Variants in RPL36AL observed in about 807,000 individuals in gnomAD.
RPL36AL encodes the protein ribosomal protein eL42-like.
In RPL36AL, 8 loss-of-function variants were observed where a neutral mutation model predicts 7.9. That is an observed-to-expected ratio of 1.02 (90% CI 0.60 to 1.84). The LOEUF (loss-of-function observed/expected upper bound fraction) is 1.84, where lower values mean the gene tolerates loss of function less well. Ranked by LOEUF, RPL36AL falls within the 40% of genes most tolerant of loss-of-function variation. The probability of loss-of-function intolerance (pLI) is 0.00; values close to 1 mark genes in which losing one functional copy is unlikely to be tolerated. For missense variants in RPL36AL, 76 were observed against 126.8 expected, an observed-to-expected ratio of 0.60 and a Z score of 1.93; for synonymous variants, 44 against 44.8, an observed-to-expected ratio of 0.98 and a Z score of 0.07.
rs1298940212 is a variant in RPL36AL, at chr14:49,620,549, G to A, written c.-37+13C>T. The A allele has an allele frequency of 5.6e-6, 1 of 177,976 alleles. No individual in the cohort carries two copies. The highest frequency in any genetic ancestry group is 6.0e-5 in the Admixed American group (1 of 16,734). 11.0% of individuals were successfully genotyped at this position (177,976 alleles called of 1,614,324 possible). On this transcript the variant is annotated intron_variant, in intron 1 of 1. Transcript: ENST00000298289. The stretch of plus-strand genomic sequence containing the variant: ...CTCCTATTGGAGCCGCTACAGCCTC[G>A]TTCTTAGCTTACCGAGAAACAGCGC...
Position 49,619,052 on chromosome 14 carries a change from T to C in RPL36AL, c.53A>G (p.His18Arg), listed in dbSNP as rs11556534. 1 of 1,613,936 alleles carries C rather than the reference T, an allele frequency of 6.2e-7. No individual in the cohort carries two copies. The highest frequency in any genetic ancestry group is 8.5e-7 in the Non-Finnish European group (1 of 1,179,832). Residue 18 changes from histidine (H) to arginine (R), a missense_variant, in exon 2 of 2, where the codon CAT becomes CGT. Transcript: ENST00000298289. ...RRTFCKKCGK[H>R]QPHKVTQYKK... ...ATACTGTGTCACTTTGTGAGGCTGA[T>C]GCTTGCCACACTTCTTACAGAAGGT...
At chr14:49,619,959 G>A (rs1030031962) in intron 1 of RPL36AL, among the ~76,000 whole-genome samples, 1 of 152,030 alleles carries the variant, frequency 6.6e-6, no homozygotes, top group African/African-American at 2.4e-5. Flanking sequence ...CTCTGGGCCC[G>A]GCAAATTTTG....
In RPL36AL at chr14:49,620,622, A is replaced by C; in HGVS notation, c.-97T>G. 7.7e-6 allele frequency: 2 copies of C among 259,460 alleles called. No individual in the cohort carries two copies. The highest frequency in any genetic ancestry group is 1.5e-5 in the Non-Finnish European group (2 of 136,504). The allele number at this position is 259,460 out of a possible 1,614,324, so 16.1% of individuals were successfully genotyped here. A position where few individuals can be genotyped will look rare whatever the true frequency, so the allele number is the denominator to read the frequency against. On this transcript the variant is annotated 5_prime_UTR_variant, in exon 1 of 2. Coordinates refer to ENST00000298289, the MANE Select transcript of RPL36AL (RefSeq NM_001001.5). Reference sequence around the variant, plus strand: ...TCTCGCCTTTCGCAGCTCTCGCCTAACAGGAAAGGGAAGAAACAGGCGGAA... The same window carrying C: ...TCTCGCCTTTCGCAGCTCTCGCCTACCAGGAAAGGGAAGAAACAGGCGGAA...
Position 49,619,095 on chromosome 14 carries a change from C to A in RPL36AL, c.10G>T (p.Val4Leu). Residue 4 changes from valine (V) to leucine (L), a missense_variant, in exon 2 of 2, where the codon GTA becomes TTA. Transcript: ENST00000298289. ...CAGAAGGTTCTTCGGGTTTTAGGTA[C>A]GTTGACCATCTTTGCAGCAGGGCTG... MVN[V>L]PKTRRTFCKK... 6.2e-7 allele frequency: 1 copy of A among 1,607,074 alleles called. No individual in the cohort carries two copies. The highest frequency in any genetic ancestry group is 8.5e-7 in the Non-Finnish European group (1 of 1,174,796).
Position 49,618,868 on chromosome 14 carries a change from G to T in RPL36AL, c.237C>A (p.Ser79=). The change falls in exon 2 of 2, where the codon TCC becomes TCA. Residue 79 remains serine (S), a synonymous_variant. Transcript: ENST00000298289. ...RLECVEPNCR[S]KRMLAIKRCK... ...ATCTCTTAATGGCCAGCATCCTCTT[G>T]GATCTGCAGTTAGGCTCAACACATT... 1 of 1,612,428 alleles carries T rather than the reference G, an allele frequency of 6.2e-7. No homozygotes were observed. Among genetic ancestry groups the T allele is most frequent in the East Asian group, 2.2e-5 (1 of 44,878 alleles).
chr14:49,619,617 CG>C (rs1882773425), intron 1 of RPL36AL, among the ~76,000 whole-genome samples: 1 of 148,636 alleles, frequency 6.7e-6, no homozygotes, highest in Non-Finnish European at 1.5e-5. Flanking sequence ...GCAACAACAG[CG>C]GAATTACGTC....
Position 49,619,126 on chromosome 14 carries a change from T to C in RPL36AL, c.-22A>G, listed in dbSNP as rs771615755. ...CCATCTTTGCAGCAGGGCTGTTTTG[T>C]CTATATGATGAAAACTGTAGTAAAA... On this transcript the variant is annotated 5_prime_UTR_variant, in exon 2 of 2. Coordinates refer to ENST00000298289, the MANE Select transcript of RPL36AL (RefSeq NM_001001.5). The C allele has an allele frequency of 7.6e-6, 12 of 1,573,744 alleles. No homozygotes were observed. Among genetic ancestry groups the C allele is most frequent in the Non-Finnish European group, 1.0e-5 (12 of 1,160,354 alleles).
chr14:49,619,605 G>T (rs1452250580), intron 1 of RPL36AL, among the ~76,000 whole-genome samples: 3 of 151,724 alleles, frequency 2.0e-5, no homozygotes, highest in African/African-American at 7.3e-5. Context: ...ACTCCAGCCT[G>T]GGCAACAACA....
rs1882738926 is a variant in RPL36AL, at chr14:49,618,729, C to T, written c.*55G>A. On this transcript the variant is annotated 3_prime_UTR_variant, in exon 2 of 2. Coordinates refer to ENST00000298289, the MANE Select transcript of RPL36AL (RefSeq NM_001001.5). ...ACTGTATTTATTTTCCCTCGGGTAA[C>T]TTTTCTATGGCTTCACCATTTTCTC... 6.8e-7 allele frequency: 1 copy of T among 1,464,990 alleles called. No homozygotes were observed. The highest frequency in any genetic ancestry group is 9.3e-7 in the Non-Finnish European group (1 of 1,070,900). The allele number at this position is 1,464,990 out of a possible 1,614,324, so 90.7% of individuals were successfully genotyped here.
intron 1 of RPL36AL, 103 bp from the exon 2 acceptor site, chr14:49,619,243 T>C: frequency 4.4e-6 from 3 of 682,446 alleles, no homozygotes; most frequent in South Asian, 4.0e-5. Context: ...AAATGAGTAA[T>C]ATATAAATCC....
Position 49,618,601 on chromosome 14 carries a change from T to C in RPL36AL, c.*183A>G, listed in dbSNP as rs1331899725. The C allele has an allele frequency of 3.4e-6, 2 of 589,086 alleles. No homozygotes were observed. 36.5% of individuals were successfully genotyped at this position (589,086 alleles called of 1,614,324 possible). ...AAAAGTAGTAAAGTAGTATTTTCCCTTCATACATATATAAACTTGTTAGTA... is the reference window on the plus strand; with the variant it reads ...AAAAGTAGTAAAGTAGTATTTTCCCCTCATACATATATAAACTTGTTAGTA... On this transcript the variant is annotated 3_prime_UTR_variant, in exon 2 of 2. Transcript: ENST00000298289.
intron 1 of RPL36AL, among the ~76,000 whole-genome samples, 191 bp from the exon 2 acceptor site, chr14:49,619,331 G>C (rs978486238): frequency 4.6e-5 from 7 of 152,138 alleles, no homozygotes; most frequent in African/African-American, 7.2e-5. Flanking sequence ...TAAATTACTG[G>C]AGGACTAATT....
At chr14:49,619,374 A>C (rs955971588) in intron 1 of RPL36AL, among the ~76,000 whole-genome samples, 2 of 152,186 alleles carry the variant, frequency 1.3e-5, no homozygotes, top group African/African-American at 4.8e-5. Flanking sequence ...AAGGCCGAGC[A>C]CGGTGGCTCA....
Position 49,619,139 on chromosome 14 carries a change from A to C in RPL36AL, c.-35T>G. 1 of 1,536,764 alleles carries C rather than the reference A, an allele frequency of 6.5e-7. No homozygotes were observed. Among genetic ancestry groups the C allele is most frequent in the Middle Eastern group, 1.8e-4 (1 of 5,700 alleles). On this transcript the variant is annotated splice_region_variant and 5_prime_UTR_variant, in exon 2 of 2. Coordinates refer to ENST00000298289, the MANE Select transcript of RPL36AL (RefSeq NM_001001.5). Reference sequence around the variant, plus strand: ...AGGGCTGTTTTGTCTATATGATGAAAACTGTAGTAAAATATTTAAAATAAG... The same window carrying C: ...AGGGCTGTTTTGTCTATATGATGAACACTGTAGTAAAATATTTAAAATAAG...
chr14:49,618,961 A>G lies in RPL36AL; in HGVS notation c.144T>C (p.Tyr48=), dbSNP rs1005048070. The G allele has an allele frequency of 5.0e-6, 8 of 1,613,934 alleles. No individual in the cohort carries two copies. Among genetic ancestry groups the G allele is most frequent in the South Asian group, 1.1e-5 (1 of 91,076 alleles). ...GGAAAATTGGCTTTGTCTGCCCACCATAGCCACTCTGCTTCCGATCATAGC... is the reference window on the plus strand; with the variant it reads ...GGAAAATTGGCTTTGTCTGCCCACCGTAGCCACTCTGCTTCCGATCATAGC... The part of the protein sequence containing the change: ...RRRYDRKQSG[Y]GGQTKPIFRK... Residue 48 remains tyrosine (Y), a synonymous_variant, in exon 2 of 2, where the codon TAT becomes TAC. Transcript: ENST00000298289.
At chr14:49,619,420 G>C (rs2139562765) in intron 1 of RPL36AL, among the ~76,000 whole-genome samples, 1 of 152,154 alleles carries the variant, frequency 6.6e-6, no homozygotes, top group East Asian at 1.9e-4. Context: ...GGCCGAGAAG[G>C]GCGGATCACC....
At chr14:49,619,647 T>G (rs1190609733) in intron 1 of RPL36AL, among the ~76,000 whole-genome samples, 1 of 150,556 alleles carries the variant, frequency 6.6e-6, no homozygotes, top group East Asian at 1.9e-4. Flanking sequence ...AAAAAAGAAC[T>G]GAGGCACAAT....
At chr14:49,619,347 A>T (rs1287930541) in intron 1 of RPL36AL, among the ~76,000 whole-genome samples, 1 of 152,178 alleles carries the variant, frequency 6.6e-6, no homozygotes, top group South Asian at 2.1e-4. Flanking sequence ...TAATTTGTCG[A>T]CCTAAAGAAC....
chr14:49,618,775 T>C lies in RPL36AL; in HGVS notation c.*9A>G, dbSNP rs764759809. On this transcript the variant is annotated 3_prime_UTR_variant, in exon 2 of 2. Transcript: ENST00000298289. Reference sequence around the variant, plus strand: ...TTCTCTTCAAAATTGAAGAAAAATATCCCAAAGTTTAGAACTGGATCACTT... The same window carrying C: ...TTCTCTTCAAAATTGAAGAAAAATACCCCAAAGTTTAGAACTGGATCACTT... The C allele has an allele frequency of 6.2e-7, 1 of 1,600,280 alleles. No individual in the cohort carries two copies. Among genetic ancestry groups the C allele is most frequent in the South Asian group, 1.1e-5 (1 of 88,992 alleles).
Sources: gnomAD v4.1 joint callset for allele counts (sites outside exome capture counted in the v4.1 genomes callset) on GRCh38, gnomAD v4.1.1 for gene constraint, MANE v1.5 for transcripts, NCBI Gene and HGNC (gene_info 2026-07-23, HGNC 2026-07-21) for gene names.